COLEC11: variants seen among roughly 807,000 people sequenced by gnomAD.
COLEC11 encodes the protein collectin subfamily member 11.
A neutral mutation model predicts 27.3 loss-of-function variants in COLEC11; 20 were observed. The observed-to-expected ratio is 0.73, with a 90% CI of 0.51 to 1.06. The LOEUF (loss-of-function observed/expected upper bound fraction) is 1.06, where lower values mean the gene tolerates loss of function less well. Among genes scored for constraint, COLEC11 ranks in the 50% least tolerant of loss-of-function variants. The pLI is 0.00. For synonymous variants in COLEC11, 163 were observed against 154.7 expected (o/e 1.05, Z -0.40); for missense variants, 310 against 383.0 (o/e 0.81, Z 1.59).
chr2:3,603,871 A>G (rs980760169), intron 1 of COLEC11: 4 of 600,144 alleles, frequency 6.7e-6, no homozygotes, highest in African/African-American at 1.9e-5. Flanking sequence ...TGGAGCCGCT[A>G]AGCTTGGGGC....
At chr2:3,611,686 C>T (rs760707527) in intron 2 of COLEC11, among the ~76,000 whole-genome samples, 1 of 152,142 alleles carries the variant, frequency 6.6e-6, no homozygotes, top group Non-Finnish European at 1.5e-5. Context: ...GGTGGCCCTG[C>T]GGGGCTGGGG....
In COLEC11 at chr2:3,604,233, C is replaced by T. The variant is rs1443313541; in HGVS notation, c.-26-82C>T. On this transcript the variant is annotated intron_variant, in intron 1 of 6. Coordinates refer to ENST00000349077, the MANE Select transcript of COLEC11 (RefSeq NM_024027.5). ...TTCCAGGCACCAGGAGGGCTACACC[C>T]CTTGCCTCCGAGGCCTGCTCACTGT... 7 of 1,507,502 alleles carry T rather than the reference C, an allele frequency of 4.6e-6. No individual in the cohort carries two copies. In the African/African-American group the frequency reaches 6.9e-5, roughly 15 times the overall value. 93.4% of individuals were successfully genotyped at this position (1,507,502 alleles called of 1,614,324 possible).
intron 3 of COLEC11, among the ~76,000 whole-genome samples, chr2:3,633,585 C>A (rs1665169098): frequency 6.6e-6 from 1 of 152,114 alleles, no homozygotes; most frequent in Admixed American, 6.5e-5. Flanking sequence ...CCTGATCTGG[C>A]AGCCTGGACC....
At chr2:3,629,675 TGTA>T (rs1460335884) in intron 3 of COLEC11, among the ~76,000 whole-genome samples, 1 of 152,192 alleles carries the variant, frequency 6.6e-6, no homozygotes, top group African/African-American at 2.4e-5. Context: ...TGTGTGCTCC[TGTA>T]GTATGCATGG....
At chr2:3,642,731 G>A (rs540710546) in intron 5 of COLEC11, among the ~76,000 whole-genome samples, 9 of 152,298 alleles carry the variant, frequency 5.9e-5, no homozygotes, top group East Asian at 1.9e-4. Context: ...TCTGAGGGCC[G>A]CTCCAGCCAT....
At chr2:3,641,776 G>A (rs1177730508) in intron 5 of COLEC11, among the ~76,000 whole-genome samples, 3 of 152,152 alleles carry the variant, frequency 2.0e-5, no homozygotes, top group Non-Finnish European at 4.4e-5. Context: ...CGTGATTGCC[G>A]ACGTCCAGAA....
At chr2:3,637,757 T>C (rs1279999799) in intron 4 of COLEC11, among the ~76,000 whole-genome samples, 153 bp downstream of exon 4, 1 of 152,120 alleles carries the variant, frequency 6.6e-6, no homozygotes, top group East Asian at 1.9e-4. Flanking sequence ...AGTACTTCCA[T>C]TTTTGGGGTG....
chr2:3,619,683 T>G (rs1273032478), intron 3 of COLEC11, among the ~76,000 whole-genome samples: 2 of 152,206 alleles, frequency 1.3e-5, no homozygotes, highest in African/African-American at 4.8e-5. Context: ...TGGAGTGCAA[T>G]GGCATGATCT....
intron 2 of COLEC11, chr2:3,606,134 T>G (rs1662673273): frequency 6.4e-7 from 1 of 1,550,480 alleles, no homozygotes; most frequent in Non-Finnish European, 8.7e-7. Context: ...AGCTTTAGGT[T>G]GGAAACGGTG....
intron 3 of COLEC11, among the ~76,000 whole-genome samples, chr2:3,621,854 C>G (rs1265445865): frequency 6.6e-6 from 1 of 152,152 alleles, no homozygotes; most frequent in Non-Finnish European, 1.5e-5. Flanking sequence ...TTTGATATCA[C>G]AATTTACATC....
At chr2:3,609,184 A>C (rs1356401550) in intron 2 of COLEC11, among the ~76,000 whole-genome samples, 1 of 152,186 alleles carries the variant, frequency 6.6e-6, no homozygotes, top group Non-Finnish European at 1.5e-5. Flanking sequence ...GATATAAAGA[A>C]AACGTGTGTT....
chr2:3,640,508 AC>A (rs1665769566), intron 5 of COLEC11, among the ~76,000 whole-genome samples, 177 bp downstream of exon 5: 1 of 59,438 alleles, frequency 1.7e-5, no homozygotes, highest in Non-Finnish European at 3.1e-5. Flanking sequence ...GTCACATCCC[AC>A]GGTGGACACC....
At chr2:3,606,246 C>A in intron 2 of COLEC11, 2 of 1,549,944 alleles carry the variant, frequency 1.3e-6, no homozygotes, top group Non-Finnish European at 1.7e-6. Flanking sequence ...CCTGCCAGGT[C>A]AGTAGCCTGC....
intron 1 of COLEC11, among the ~76,000 whole-genome samples, chr2:3,600,964 C>A (rs531219434): frequency 2.6e-5 from 4 of 152,208 alleles, no homozygotes; most frequent in Non-Finnish European, 4.4e-5. Context: ...CTGCACGGGG[C>A]GGGCTCCCAT....
chr2:3,605,248 A>C (rs1662554777), intron 2 of COLEC11, among the ~76,000 whole-genome samples: 2 of 151,016 alleles, frequency 1.3e-5, no homozygotes, highest in African/African-American at 2.4e-5. Context: ...CCGGGGCTGC[A>C]CCGGCCGCAG....
chr2:3,597,371 G>A (rs1328119414), intron 1 of COLEC11, among the ~76,000 whole-genome samples: 1 of 151,084 alleles, frequency 6.6e-6, no homozygotes, highest in Non-Finnish European at 1.5e-5. Flanking sequence ...ATCCCACCTG[G>A]GCTGCTCCGG....
intron 2 of COLEC11, chr2:3,605,810 G>A (rs965646511): frequency 5.8e-6 from 2 of 345,300 alleles, no homozygotes; most frequent in Non-Finnish European, 5.4e-6. Context: ...AAATGAAAAG[G>A]TCAGCCCTCT....
rs1662307947 is a variant in COLEC11 at position 3,602,550 on chromosome 2, C to T, written c.-26-1765C>T. ...TCCACCCACACGTGGGGTCCAGCTG[C>T]CATCCTCGCCCGCTGTGCTGTTGTG... On this transcript the variant is annotated intron_variant, in intron 1 of 6. Coordinates refer to ENST00000349077, the MANE Select transcript of COLEC11 (RefSeq NM_024027.5). The surrounding 1 kb of genome is among the most constrained non-coding windows in gnomAD (Gnocchi z 6.2). Among the ~76,000 whole-genome samples the T allele has an allele frequency of 6.6e-6, 1 of 152,224 alleles. No homozygotes were observed.
Position 3,602,050 on chromosome 2 carries a change from G to T in COLEC11, c.-26-2265G>T, listed in dbSNP as rs533517491. ...TGGGCTCTCGCCAGCCAGAGGCGGG[G>T]TCTCTGTAGACTCCATGGGGCCCTG... On this transcript the variant is annotated intron_variant, in intron 1 of 6. Coordinates refer to ENST00000349077, the MANE Select transcript of COLEC11 (RefSeq NM_024027.5). This position sits in a 1 kb window ranked among gnomAD's most constrained non-coding sequence, Gnocchi z 6.2. 22 of 152,400 alleles carry T rather than the reference G, an allele frequency of 1.4e-4. No individual in the cohort carries two copies. Among genetic ancestry groups the T allele is most frequent in the African/African-American group, 5.3e-4 (22 of 41,574 alleles). The allele number at this position is 152,400 out of a possible 1,614,324, so 9.4% of individuals were successfully genotyped here.
Sources: allele counts gnomAD v4.1 joint callset (sites outside exome capture counted in the v4.1 genomes callset), GRCh38; gene constraint gnomAD v4.1.1; non-coding constraint Gnocchi (gnomAD v3.1); transcripts MANE v1.5; gene names NCBI Gene and HGNC (gene_info 2026-07-23, HGNC 2026-07-21).